Variants in RPGRIP1 observed in about 807,000 individuals in gnomAD.
RPGRIP1 encodes RPGR interacting protein 1, also known as X-linked retinitis pigmentosa GTPase regulator-interacting protein 1.
Under a neutral mutation model 157.9 loss-of-function variants are expected in RPGRIP1, and 128 were observed. That is an observed-to-expected ratio of 0.81 (90% CI 0.70 to 0.94). The LOEUF (loss-of-function observed/expected upper bound fraction) is 0.94. RPGRIP1 is among the 40% of genes least tolerant of loss of function. The probability of loss-of-function intolerance (pLI) is 0.00; values close to 1 mark genes in which losing one functional copy is unlikely to be tolerated. For missense variants in RPGRIP1, 1,486 were observed against 1,545.8 expected, an observed-to-expected ratio of 0.96 and a Z score of 0.65; for synonymous variants, 554 against 571.6, an observed-to-expected ratio of 0.97 and a Z score of 0.44.
In RPGRIP1 at chr14:21,326,137, C is replaced by A. The variant is rs768968296; in HGVS notation, c.2674C>A (p.Pro892Thr). 1 of 1,584,758 alleles carries A rather than the reference C, an allele frequency of 6.3e-7. No individual in the cohort carries two copies. The highest frequency in any genetic ancestry group is 8.6e-7 in the Non-Finnish European group (1 of 1,164,642). The change falls in exon 17 of 25, where the codon CCT becomes ACT. Residue 892 changes from proline to threonine, a missense_variant. Physicochemically the swap from Pro to Thr is conservative, Grantham distance 38. Transcript: ENST00000400017. Reference protein sequence around the residue: ...PGSYLGRARVPLLPLAKNESI... With the variant: ...PGSYLGRARVTLLPLAKNESI... ...CTCGTATCTTGGCCGAGCCCGAGTG[C>A]CTTTACTGCCTCTTGCAAAAAATGA...
rs1350958725 is a variant in RPGRIP1 at position 21,311,806 on chromosome 14, A to G, written c.931-18A>G. On this transcript the variant is annotated intron_variant, in intron 8 of 24. Coordinates refer to ENST00000400017, the MANE Select transcript of RPGRIP1 (RefSeq NM_020366.4). ...GAGTGATATGACCATTCCCAGAGGT[A>G]CTTTCCTTTTGACCCAGAATCAGGG... 2 of 1,590,840 alleles carry G rather than the reference A, an allele frequency of 1.3e-6. No individual in the cohort carries two copies. Among genetic ancestry groups the G allele is most frequent in the Non-Finnish European group, 1.7e-6 (2 of 1,170,584 alleles).
At chr14:21,297,359 T>C (rs1280542360) in intron 3 of RPGRIP1, among the ~76,000 whole-genome samples, 1 of 152,134 alleles carries the variant, frequency 6.6e-6, no homozygotes, top group Non-Finnish European at 1.5e-5. Context: ...CCTCCCAAAG[T>C]GCTGGGATTA....
intron 1 of RPGRIP1, among the ~76,000 whole-genome samples, chr14:21,286,369 T>C (rs1420096213): frequency 6.6e-6 from 1 of 151,444 alleles, no homozygotes. Flanking sequence ...GCAGGATTGG[T>C]AGGACGGTAG....
chr14:21,325,924 A>G lies in RPGRIP1; in HGVS notation c.2461A>G (p.Ser821Gly). ...GAGTCGATGGCTGGGAACTCAACCC[A>G]GTCCATATGCTGTGTACCGCTTCTT... Reference protein sequence around the residue: ...LRSRWLGTQPSPYAVYRFFTF... With the variant: ...LRSRWLGTQPGPYAVYRFFTF... Residue 821 changes from serine to glycine, a missense_variant, in exon 17 of 25, where the codon AGT (serine) becomes GGT (glycine). Ser to Gly is a moderately conservative substitution (Grantham distance 56). Coordinates refer to ENST00000400017, the MANE Select transcript of RPGRIP1 (RefSeq NM_020366.4). 6.2e-7 allele frequency: 1 copy of G among 1,613,976 alleles called. No individual in the cohort carries two copies. Among genetic ancestry groups the G allele is most frequent in the Non-Finnish European group, 8.5e-7 (1 of 1,179,858 alleles).
At position 21,326,005 on chromosome 14, in the gene RPGRIP1, A is replaced by C. The variant is rs1427876678; in HGVS notation, c.2542A>C (p.Arg848=). 6.2e-7 allele frequency: 1 copy of C among 1,613,996 alleles called. No homozygotes were observed. The highest frequency in any genetic ancestry group is 1.7e-5 in the Admixed American group (1 of 60,020). The change falls in exon 17 of 25, where the codon AGA becomes CGA. Residue 848 remains arginine (R), a synonymous_variant. Coordinates refer to ENST00000400017, the MANE Select transcript of RPGRIP1 (RefSeq NM_020366.4). ...TCCAGCCAGTAACAACCCCTACTTT[A>C]GAGACCAGGCTCGATTCCCAGTGCT... is the stretch of plus-strand genomic sequence containing the variant. ...IIPASNNPYF[R]DQARFPVLVT...
At chr14:21,281,804 A>G (rs944753495) in intron 1 of RPGRIP1, among the ~76,000 whole-genome samples, 1 of 151,728 alleles carries the variant, frequency 6.6e-6, no homozygotes, top group Non-Finnish European at 1.5e-5. Flanking sequence ...TAAAAAAGAA[A>G]AAAAAGAAGT....
chr14:21,347,560 T>C (rs972876852), intron 23 of RPGRIP1, among the ~76,000 whole-genome samples: 2 of 152,228 alleles, frequency 1.3e-5, no homozygotes, highest in Admixed American at 1.3e-4. Flanking sequence ...GCTTGAATTT[T>C]TAGTCCTATT....
At position 21,326,082 on chromosome 14, in the gene RPGRIP1, T is replaced by C. The variant is rs770624953; in HGVS notation, c.2619T>C (p.His873=). ...HYLRREALSI[H]VFDDEDLEPG... The stretch of plus-strand genomic sequence containing the variant: ...TGAGACGGGAGGCCTTGTCTATACA[T>C]GTTTTTGATGATGAAGACTTAGAGC... The change falls in exon 17 of 25, where the codon CAT becomes CAC. Residue 873 remains histidine (H), a synonymous_variant. Coordinates refer to ENST00000400017, the MANE Select transcript of RPGRIP1 (RefSeq NM_020366.4). 5.0e-6 allele frequency: 8 copies of C among 1,613,516 alleles called. No individual in the cohort carries two copies. Among genetic ancestry groups the C allele is most frequent in the Non-Finnish European group, 5.9e-6 (7 of 1,179,634 alleles).
chr14:21,328,591 T>C lies in RPGRIP1; in HGVS notation c.3063T>C (p.Tyr1021=), dbSNP rs777739887. 1.2e-6 allele frequency: 2 copies of C among 1,613,576 alleles called. No homozygotes were observed. The highest frequency in any genetic ancestry group is 1.7e-6 in the Non-Finnish European group (2 of 1,179,682). The change falls in exon 19 of 25, where the codon TAT becomes TAC. Residue 1021 remains tyrosine, a synonymous_variant. Transcript: ENST00000400017. The part of the protein sequence containing the change: ...IGVQGKNRME[Y]LSLNILNGNT... Reference sequence around the variant, plus strand: ...TTCAAGGAAAGAATAGAATGGAGTATCTTAGCCTTAACATCTTAAATGGAA... The same window carrying C: ...TTCAAGGAAAGAATAGAATGGAGTACCTTAGCCTTAACATCTTAAATGGAA...
intron 14 of RPGRIP1, 124 bp downstream of exon 14, chr14:21,322,128 G>C (rs947990336): frequency 2.7e-5 from 20 of 732,844 alleles, no homozygotes; most frequent in Non-Finnish European, 4.1e-5. Flanking sequence ...TATCCTTCTT[G>C]TTCTTTATCC....
chr14:21,326,451 C>G (rs1337476292), intron 17 of RPGRIP1, among the ~76,000 whole-genome samples: 2 of 152,132 alleles, frequency 1.3e-5, no homozygotes, highest in Admixed American at 6.6e-5. Context: ...TCTGAATAAA[C>G]TTCTTTGTTT....
intron 8 of RPGRIP1, among the ~76,000 whole-genome samples, chr14:21,311,369 T>C (rs1430497150): frequency 6.6e-6 from 1 of 152,052 alleles, no homozygotes; most frequent in Non-Finnish European, 1.5e-5. Context: ...CTGGCCAACA[T>C]GGAGAAACCC....
At chr14:21,319,047 T>A (rs1882105106) in intron 11 of RPGRIP1, among the ~76,000 whole-genome samples, 2 of 152,244 alleles carry the variant, frequency 1.3e-5, no homozygotes, top group Middle Eastern at 6.8e-3. Context: ...TTATATCTCA[T>A]CAAGTTTTAG....
intron 2 of RPGRIP1, among the ~76,000 whole-genome samples, chr14:21,290,949 C>T (rs978669954): frequency 1.3e-5 from 2 of 149,802 alleles, no homozygotes; most frequent in African/African-American, 2.5e-5. Context: ...TGCAGTGAGC[C>T]GAGATGGTGC....
At position 21,303,440 on chromosome 14, in the gene RPGRIP1, C is replaced by G. The variant is rs1051866552; in HGVS notation, c.697C>G (p.Gln233Glu). Residue 233 changes from glutamine (Q) to glutamate (E), a missense_variant, in exon 6 of 25, where the codon CAA becomes GAA. Physicochemically the swap from Gln to Glu is conservative, Grantham distance 29. Coordinates refer to ENST00000400017, the MANE Select transcript of RPGRIP1 (RefSeq NM_020366.4). The stretch of plus-strand genomic sequence containing the variant: ...CCACATCATGGCCAGCAATACCATG[C>G]AAGTGGAAGAGCCACCCAAGTCTCC... The part of the protein sequence containing the change: ...SAHIMASNTM[Q>E]VEEPPKSPEK... 6.2e-7 allele frequency: 1 copy of G among 1,613,674 alleles called. No individual in the cohort carries two copies. The highest frequency in any genetic ancestry group is 1.3e-5 in the African/African-American group (1 of 74,886).
At chr14:21,339,112 G>A (rs1288868220) in intron 21 of RPGRIP1, among the ~76,000 whole-genome samples, 3 of 151,742 alleles carry the variant, frequency 2.0e-5, no homozygotes, top group Non-Finnish European at 4.4e-5. Context: ...CTCCAGCCTG[G>A]GCGACAGAGC....
chr14:21,350,707 A>G (rs1332490771), intron 24 of RPGRIP1, among the ~76,000 whole-genome samples: 2 of 152,176 alleles, frequency 1.3e-5, no homozygotes. Context: ...GGCTTAGGGT[A>G]GTGCCTGGCA....
chr14:21,290,920 G>A (rs1156298415), intron 2 of RPGRIP1, among the ~76,000 whole-genome samples: 1 of 150,184 alleles, frequency 6.7e-6, no homozygotes, highest in Non-Finnish European at 1.5e-5. Context: ...AGAAAAACTT[G>A]AACCCAGGAG....
intron 10 of RPGRIP1, among the ~76,000 whole-genome samples, chr14:21,315,464 G>A (rs1881737740): frequency 6.7e-6 from 1 of 148,598 alleles, no homozygotes; most frequent in Non-Finnish European, 1.5e-5. Flanking sequence ...CCGAGATCGC[G>A]CCACTGCACT....
Sources: gnomAD v4.1 joint callset for allele counts (sites outside exome capture counted in the v4.1 genomes callset) on GRCh38, gnomAD v4.1.1 for gene constraint, MANE v1.5 for transcripts, NCBI Gene and HGNC (gene_info 2026-07-23, HGNC 2026-07-21) for gene names.